The following CTNNA2 variants were observed in gnomAD, a reference collection of about 807,000 sequenced individuals.
The protein encoded by CTNNA2 is catenin alpha 2.
Under a neutral mutation model 101.0 loss-of-function variants are expected in CTNNA2, and 42 were observed. The observed-to-expected ratio is 0.42, with a 90% CI of 0.32 to 0.54. The LOEUF (loss-of-function observed/expected upper bound fraction) is 0.54, where lower values mean the gene tolerates loss of function less well. CTNNA2 is among the 20% of genes least tolerant of loss of function. The pLI is 0.14. For missense variants in CTNNA2, 871 were observed against 1,223.1 expected (o/e 0.71, Z 4.29); for synonymous variants, 450 against 456.4 (o/e 0.99, Z 0.18).
At chr2:79,895,716 A>G (rs893006953) in intron 6 of CTNNA2, among the ~76,000 whole-genome samples, 6 of 133,374 alleles carry the variant, frequency 4.5e-5, no homozygotes, top group African/African-American at 1.7e-4. Context: ...TTTTGGCTGC[A>G]TGCCTTTTGA....
chr2:79,232,034 T>C (rs1211219818), intron 2 of CTNNA2, among the ~76,000 whole-genome samples: 1 of 152,170 alleles, frequency 6.6e-6, no homozygotes, highest in East Asian at 1.9e-4. Context: ...ATTCTCCTAG[T>C]TGGATGCCTT....
intron 3 of CTNNA2, among the ~76,000 whole-genome samples, chr2:79,841,021 G>A (rs1035705382): frequency 1.2e-4 from 18 of 152,014 alleles, no homozygotes; most frequent in East Asian, 3.9e-4. Flanking sequence ...CGCCCGCCTC[G>A]GCCTTCCAAA....
intron 1 of CTNNA2, among the ~76,000 whole-genome samples, chr2:79,190,297 G>T (rs1286585864): frequency 1.3e-5 from 2 of 151,978 alleles, no homozygotes; most frequent in Non-Finnish European, 2.9e-5. Flanking sequence ...GCTTAGAGGG[G>T]AGATTATAGG....
At chr2:80,141,040 T>C (rs1265198938) in intron 7 of CTNNA2, among the ~76,000 whole-genome samples, 1 of 151,490 alleles carries the variant, frequency 6.6e-6, no homozygotes, top group Non-Finnish European at 1.5e-5. Context: ...TTTAAAAATG[T>C]ATTTATTTAT....
At chr2:80,415,700 A>C in intron 8 of CTNNA2, among the ~76,000 whole-genome samples, 1 of 152,194 alleles carries the variant, frequency 6.6e-6, no homozygotes, top group African/African-American at 2.4e-5. Flanking sequence ...TGATGGAAAT[A>C]AATCAATATC....
intron 9 of CTNNA2, among the ~76,000 whole-genome samples, chr2:80,463,570 C>T (rs1434595518): frequency 6.6e-6 from 1 of 152,108 alleles, no homozygotes; most frequent in East Asian, 1.9e-4. Context: ...AGGCTGCTTT[C>T]AAAATCAACA....
Position 79,396,747 on chromosome 2 carries a change from G to A in CTNNA2, c.-135+22734G>A, listed in dbSNP as rs556162946. 5.1e-4 allele frequency among the ~76,000 whole-genome samples: 78 copies of A among 152,180 alleles called. 1 individual carries two copies. Among genetic ancestry groups the A allele is most frequent in the Non-Finnish European group, 9.6e-4 (65 of 68,006 alleles). ...AACTTTCTGCCTGGCAAAACCCGGA[G>A]TTTAGGTTGATACTTTTCTCCTCAA... On this transcript the variant is annotated intron_variant, in intron 4 of 21. Transcript: ENST00000466387.
chr2:80,138,594 A>T (rs1273842024), intron 7 of CTNNA2, among the ~76,000 whole-genome samples: 1 of 152,114 alleles, frequency 6.6e-6, no homozygotes, highest in Non-Finnish European at 1.5e-5. Context: ...TACCCATCAC[A>T]ACACAGGGCT....
chr2:79,556,165 T>G (rs1674431150), intron 1 of CTNNA2, among the ~76,000 whole-genome samples: 2 of 152,124 alleles, frequency 1.3e-5, no homozygotes. Context: ...ATTTTTCTAG[T>G]AATAATGGCT....
intron 7 of CTNNA2, among the ~76,000 whole-genome samples, chr2:80,245,746 T>C (rs1379210233): frequency 6.6e-6 from 1 of 151,952 alleles, no homozygotes; most frequent in Non-Finnish European, 1.5e-5. Context: ...TGACATCTCT[T>C]TTATTTTTAA....
chr2:80,188,297 A>G (rs1706259738), intron 7 of CTNNA2, among the ~76,000 whole-genome samples: 1 of 152,208 alleles, frequency 6.6e-6, no homozygotes, highest in Non-Finnish European at 1.5e-5. Flanking sequence ...AAGTTACAAA[A>G]TAAGAAGATT....
intron 1 of CTNNA2, among the ~76,000 whole-genome samples, chr2:79,516,505 A>G (rs1002565464): frequency 6.6e-6 from 1 of 152,190 alleles, no homozygotes; most frequent in Non-Finnish European, 1.5e-5. Context: ...TTTGAAGAAC[A>G]TTAGAGAGAC....
At position 79,189,353 on chromosome 2, in the gene CTNNA2, T is replaced by C. The variant is rs1164086586; in HGVS notation, c.-524+3922T>C. On this transcript the variant is annotated intron_variant, in intron 1 of 21. Coordinates refer to the CTNNA2 transcript ENST00000466387. The stretch of plus-strand genomic sequence containing the variant: ...TTCAAAGTGCCAATTTTTGGCTTTA[T>C]TATTTTCTCGAATATGCTTTTATTT... 7.2e-5 allele frequency among the ~76,000 whole-genome samples: 11 copies of C among 152,214 alleles called. No homozygotes were observed. In the East Asian group the frequency reaches 2.1e-3, roughly 29 times the overall value.
chr2:79,524,634 T>G (rs2103893828), intron 1 of CTNNA2: 1 of 152,064 alleles, frequency 6.6e-6, no homozygotes, highest in South Asian at 2.1e-4. Context: ...TAATTTTAAA[T>G]AATTTTTTGT....
At chr2:79,389,356 A>G (rs577788913) in intron 4 of CTNNA2, among the ~76,000 whole-genome samples, 2 of 152,308 alleles carry the variant, frequency 1.3e-5, no homozygotes, top group African/African-American at 2.4e-5. Flanking sequence ...ACTTGGTCTT[A>G]CACCCTTAAA....
intron 1 of CTNNA2, among the ~76,000 whole-genome samples, chr2:79,518,891 C>G (rs1320104409): frequency 7.0e-6 from 1 of 142,530 alleles, no homozygotes; most frequent in East Asian, 2.0e-4. Flanking sequence ...TTTTTTTTTT[C>G]TAATATGTGG....
chr2:80,468,138 G>T (rs1016965376), intron 9 of CTNNA2, among the ~76,000 whole-genome samples: 3 of 152,078 alleles, frequency 2.0e-5, no homozygotes, highest in African/African-American at 7.2e-5. Flanking sequence ...GATATTCTCT[G>T]TACCCATATA....
chr2:80,237,134 A>G (rs1167096902), intron 7 of CTNNA2, among the ~76,000 whole-genome samples: 1 of 152,158 alleles, frequency 6.6e-6, no homozygotes, highest in Non-Finnish European at 1.5e-5. Flanking sequence ...CAAAGACATG[A>G]GTTCAGAATA....
Position 80,159,891 on chromosome 2 carries a change from G to C in CTNNA2, c.1057-233320G>C, listed in dbSNP as rs551713396. Among the ~76,000 whole-genome samples, 293 of 152,226 alleles carry C rather than the reference G, an allele frequency of 1.9e-3. 2 individuals are homozygous for C. Among genetic ancestry groups the C allele is most frequent in the Non-Finnish European group, 2.8e-3 (191 of 68,024 alleles). ...ATTGTGTTTTTGGTGTCAAGTCTAA[G>C]AACTCCTTTCCTAGTCCTAGATCCT... On this transcript the variant is annotated intron_variant, in intron 7 of 18. Transcript: ENST00000402739.
Sources: gnomAD v4.1 joint callset for allele counts (sites outside exome capture counted in the v4.1 genomes callset) on GRCh38, gnomAD v4.1.1 for gene constraint, MANE v1.5 for transcripts, NCBI Gene and HGNC (gene_info 2026-07-23, HGNC 2026-07-21) for gene names.